Variants in CYRIB observed in about 807,000 individuals in gnomAD.
CYRIB encodes CYFIP related Rac1 interactor B, also known as CYFIP-related Rac1 interactor B.
CYRIB carries 8 observed loss-of-function variants against 44.2 expected under a neutral mutation model. That is an observed-to-expected ratio of 0.18 (90% CI 0.11 to 0.33). The LOEUF is 0.33. CYRIB is among the 10% of genes least tolerant of loss of function. The pLI, the probability that CYRIB is intolerant of heterozygous loss-of-function variation, is 1.00. For missense variants in CYRIB, 185 were observed against 382.8 expected, an observed-to-expected ratio of 0.48 and a Z score of 4.31; for synonymous variants, 131 against 127.2, an observed-to-expected ratio of 1.03 and a Z score of -0.20.
intron 2 of CYRIB, among the ~76,000 whole-genome samples, chr8:129,957,919 C>T (rs1409948175): frequency 1.0e-4 from 15 of 148,870 alleles, no homozygotes; most frequent in Admixed American, 1.3e-4. Context: ...GAGCCGAGAT[C>T]GCGCCACTGC....
upstream of CYRIB, among the ~76,000 whole-genome samples, chr8:129,940,573 T>A (rs2093614024): frequency 6.6e-6 from 1 of 152,126 alleles, no homozygotes; most frequent in South Asian, 2.1e-4. Flanking sequence ...CTTCCCTAAT[T>A]CCCCTTTCAC....
At chr8:129,964,593 G>T (rs73398756) in intron 2 of CYRIB, among the ~76,000 whole-genome samples, 11,140 of 152,128 alleles carry the variant, frequency 0.073, 506 homozygotes, top group South Asian at 0.2. Flanking sequence ...CTTGAAAATG[G>T]GATTATCGGG....
intron 5 of CYRIB, among the ~76,000 whole-genome samples, chr8:129,859,325 G>C (rs950727360): frequency 6.6e-6 from 1 of 152,186 alleles, no homozygotes; most frequent in African/African-American, 2.4e-5. Flanking sequence ...GTACAAGATG[G>C]AACATAAAGG....
exon 12 of CYRIB, chr8:129,840,880 T>C (rs557555853): frequency 1.3e-5 from 2 of 152,376 alleles, no homozygotes; most frequent in African/African-American, 2.4e-5. Flanking sequence ...AAGGGTCTGA[T>C]GGAAGCCTCT....
chr8:129,982,556 C>A (rs1450602034), intron 1 of CYRIB, among the ~76,000 whole-genome samples: 1 of 152,200 alleles, frequency 6.6e-6, no homozygotes, highest in Non-Finnish European at 1.5e-5. Context: ...AGTCCTGACT[C>A]ATTTACCAAT....
At chr8:129,944,868 A>ATT (rs2094026459) in intron 2 of CYRIB, among the ~76,000 whole-genome samples, 3 of 152,258 alleles carry the variant, frequency 2.0e-5, no homozygotes, top group Admixed American at 6.5e-5. Context: ...CTTTCCCAAT[A>ATT]CTTTTTCATA....
chr8:129,950,912 G>A (rs1448513759), intron 2 of CYRIB, among the ~76,000 whole-genome samples: 1 of 152,142 alleles, frequency 6.6e-6, no homozygotes, highest in Non-Finnish European at 1.5e-5. Flanking sequence ...GGGGCAGTAC[G>A]ATTTTGAGCA....
Position 130,006,605 on chromosome 8 carries a change from T to TATACAC in CYRIB, c.-296+9764_-296+9765insGTGTAT, listed in dbSNP as rs374570395. Among the ~76,000 whole-genome samples, 16 of 23,318 alleles carry TATACAC rather than the reference T, an allele frequency of 6.9e-4. 1 individual carries two copies. In the African/African-American group the frequency reaches 8.1e-3, roughly 12 times the overall value. The allele number at this position is 23,318 out of a possible 152,430, so 15.3% of individuals were successfully genotyped here. The stretch of plus-strand genomic sequence containing the variant: ...ACTAAAAACACAAATTATATATATA[T>TATACAC]ACATATATATGTGTATATATATACA... On this transcript the variant is annotated intron_variant, in intron 1 of 14. Transcript: ENST00000401979.
intron 2 of CYRIB, among the ~76,000 whole-genome samples, chr8:129,897,066 T>C (rs1188610263): frequency 2.0e-5 from 3 of 152,196 alleles, no homozygotes; most frequent in African/African-American, 7.2e-5. Flanking sequence ...ATAGTCACTG[T>C]GAAGAGTGAA....
rs576320439 is a variant in CYRIB at position 129,860,357 on chromosome 8, C to T, written c.301+1872G>A. On this transcript the variant is annotated intron_variant, in intron 5 of 11. Transcript: ENST00000519824. ...AACTATAAATGCAGCCAGAAACCAG[C>T]GTAAGAAAAGCTGTATATAGTAGAG... is the stretch of plus-strand genomic sequence containing the variant. Among the ~76,000 whole-genome samples, 23 of 152,128 alleles carry T rather than the reference C, an allele frequency of 1.5e-4. No homozygotes were observed. The East Asian group carries it at 3.1e-3, about 20-fold the overall frequency.
upstream of CYRIB, chr8:130,016,830 GC>G (rs2097358192): frequency 6.6e-6 from 1 of 152,010 alleles, no homozygotes; most frequent in Admixed American, 6.6e-5. Flanking sequence ...GTGACCTTGG[GC>G]AAGTCACCGC....
intron 1 of CYRIB, among the ~76,000 whole-genome samples, chr8:129,982,746 A>G (rs945685666): frequency 1.3e-5 from 2 of 152,208 alleles, no homozygotes; most frequent in Non-Finnish European, 2.9e-5. Context: ...TGAACCAAAA[A>G]AGCAAACGCA....
intron 1 of CYRIB, among the ~76,000 whole-genome samples, chr8:129,983,970 C>A (rs776728374): frequency 6.6e-6 from 1 of 152,214 alleles, no homozygotes; most frequent in Non-Finnish European, 1.5e-5. Context: ...TGGAATCAAC[C>A]GGGAGCTTTT....
At chr8:129,959,411 A>G (rs2095102803) in intron 2 of CYRIB, among the ~76,000 whole-genome samples, 1 of 152,130 alleles carries the variant, frequency 6.6e-6, no homozygotes, top group South Asian at 2.1e-4. Flanking sequence ...TTACTCTGAA[A>G]AATACATGTA....
chr8:129,894,928 TA>T (rs1005887663), intron 2 of CYRIB, among the ~76,000 whole-genome samples: 85 of 147,200 alleles, frequency 5.8e-4, no homozygotes, highest in African/African-American at 1.1e-3. Context: ...TATATATATA[TA>T]TTTTTTTAAT....
chr8:129,916,411 TA>T (rs879652747), intron 1 of CYRIB, among the ~76,000 whole-genome samples: 65 of 144,462 alleles, frequency 4.5e-4, no homozygotes, highest in Admixed American at 7.6e-4. Flanking sequence ...ACTGCTCTAT[TA>T]AAAAAAAAAA....
chr8:129,993,702 A>G (rs2096699308), intron 1 of CYRIB, among the ~76,000 whole-genome samples: 1 of 151,964 alleles, frequency 6.6e-6, no homozygotes, highest in Non-Finnish European at 1.5e-5. Flanking sequence ...CTCTCAAAAA[A>G]AAAAAAAAAA....
chr8:129,852,325 A>G, intron 7 of CYRIB, 47 bp from the exon 10 acceptor site: 2 of 1,204,226 alleles, frequency 1.7e-6, no homozygotes, highest in Non-Finnish European at 2.3e-6. Flanking sequence ...AAATTATTAC[A>G]TATAATAACA....
intron 1 of CYRIB, among the ~76,000 whole-genome samples, chr8:129,932,395 T>C (rs551330511): frequency 6.6e-6 from 1 of 152,300 alleles, no homozygotes; most frequent in East Asian, 1.9e-4. Context: ...ATATAATGTA[T>C]TCCTCCAGAG....
Sources: allele counts gnomAD v4.1 joint callset (sites outside exome capture counted in the v4.1 genomes callset), GRCh38; gene constraint gnomAD v4.1.1; transcripts MANE v1.5; gene names NCBI Gene and HGNC (gene_info 2026-07-23, HGNC 2026-07-21).